LINGO2: variants seen among roughly 807,000 people sequenced by gnomAD.
The protein encoded by LINGO2 is leucine-rich repeat and immunoglobulin-like domain-containing nogo receptor-interacting protein 2.
LINGO2 carries 14 observed loss-of-function variants against 30.6 expected under a neutral mutation model. The ratio of observed to expected loss-of-function variants is 0.46; its 90% CI spans 0.30 to 0.72. The LOEUF (loss-of-function observed/expected upper bound fraction) is 0.72, where lower values mean the gene tolerates loss of function less well. Ranked by LOEUF, LINGO2 falls within the 30% of genes least tolerant of loss-of-function variation. The probability of loss-of-function intolerance (pLI) is 0.07; values close to 1 mark genes in which losing one functional copy is unlikely to be tolerated. For missense variants in LINGO2, 729 were observed against 751.7 expected (o/e 0.97, Z 0.35); for synonymous variants, 317 against 288.5 (o/e 1.10, Z -1.00).
intron 3 of LINGO2, among the ~76,000 whole-genome samples, chr9:28,363,892 C>T (rs1168029912): frequency 6.7e-6 from 1 of 150,130 alleles, no homozygotes; most frequent in Non-Finnish European, 1.5e-5. Context: ...CCTTTGTCTC[C>T]AAACAGGAGG....
At chr9:28,576,897 T>G (rs1290201900) in intron 1 of LINGO2, among the ~76,000 whole-genome samples, 2 of 152,178 alleles carry the variant, frequency 1.3e-5, no homozygotes, top group South Asian at 2.1e-4. Context: ...GTCCCATGAC[T>G]TCTTCTAATA....
At chr9:28,109,278 C>T (rs6476036) in intron 4 of LINGO2, among the ~76,000 whole-genome samples, 150,750 of 152,268 alleles carry the variant, frequency 0.99, 74,646 homozygotes, top group Middle Eastern at 1. Flanking sequence ...GTCAAACCCA[C>T]AGACAATATC....
At chr9:28,384,860 G>A (rs1821513727) in intron 2 of LINGO2, among the ~76,000 whole-genome samples, 1 of 151,744 alleles carries the variant, frequency 6.6e-6, no homozygotes, top group African/African-American at 2.4e-5. Flanking sequence ...TTCAACAACA[G>A]TTAGCCAGAT....
At position 28,506,479 on chromosome 9, in the gene LINGO2, CATACACAT is replaced by C. The variant is rs1218695830; in HGVS notation, c.-364-30462_-364-30455del. ...ACATACACATACACACACACACACA[CATACACAT>C]ACACACACACACACAGACATATATA... On this transcript the variant is annotated intron_variant, in intron 1 of 5. Transcript: ENST00000379992. Among the ~76,000 whole-genome samples the C allele has an allele frequency of 4.8e-3, 55 of 11,344 alleles. 13 individuals carry two copies. Among genetic ancestry groups the C allele is most frequent in the Non-Finnish European group, 0.013 (31 of 2,332 alleles). The allele number at this position is 11,344 out of a possible 152,430, so 7.4% of individuals were successfully genotyped here.
chr9:28,375,531 A>C (rs1212570838), intron 2 of LINGO2, among the ~76,000 whole-genome samples: 1 of 152,244 alleles, frequency 6.6e-6, no homozygotes, highest in Non-Finnish European at 1.5e-5. Flanking sequence ...CGGAGGTAGA[A>C]AGTGGGTACA....
the LINGO2 span, among the ~76,000 whole-genome samples, chr9:28,701,554 T>C: frequency 1.3e-5 from 2 of 152,062 alleles, no homozygotes; most frequent in Admixed American, 1.3e-4. Context: ...TTACTGTATA[T>C]TTAACACAAA....
chr9:28,868,239 T>C, the LINGO2 span, among the ~76,000 whole-genome samples: 15 of 152,086 alleles, frequency 9.9e-5, no homozygotes, highest in South Asian at 1.9e-3. Context: ...TAAGTCCTCA[T>C]TGATGACATT....
the LINGO2 span, among the ~76,000 whole-genome samples, chr9:28,828,870 G>A: frequency 6.6e-6 from 1 of 152,110 alleles, no homozygotes; most frequent in South Asian, 2.1e-4. Flanking sequence ...TAATTTACTT[G>A]CATCACACAG....
chr9:28,257,842 T>C (rs1171948476), intron 4 of LINGO2, among the ~76,000 whole-genome samples: 2 of 151,906 alleles, frequency 1.3e-5, no homozygotes, highest in Non-Finnish European at 2.9e-5. Context: ...AATACATCAT[T>C]TAGTGACCTT....
intron 4 of LINGO2, among the ~76,000 whole-genome samples, chr9:28,209,963 G>T (rs1346522203): frequency 6.6e-6 from 1 of 151,684 alleles, no homozygotes; most frequent in Non-Finnish European, 1.5e-5. Context: ...TAGCTTTAGG[G>T]TTACAAGTAT....
the LINGO2 span, among the ~76,000 whole-genome samples, chr9:28,887,737 T>C: frequency 6.6e-6 from 1 of 152,046 alleles, no homozygotes; most frequent in Non-Finnish European, 1.5e-5. Context: ...TCCTAGATTG[T>C]GAAAGAGAAA....
the LINGO2 span, among the ~76,000 whole-genome samples, chr9:29,040,362 T>A: frequency 6.6e-6 from 1 of 152,198 alleles, no homozygotes; most frequent in African/African-American, 2.4e-5. Context: ...AAGTTTATAA[T>A]ACCAACAGCT....
At chr9:28,875,466 T>C in the LINGO2 span, among the ~76,000 whole-genome samples, 56 of 152,094 alleles carry the variant, frequency 3.7e-4, no homozygotes, top group African/African-American at 1.3e-3. Flanking sequence ...TACTATTATC[T>C]CAAGAAATAT....
chr9:29,203,377 G>C, the LINGO2 span, among the ~76,000 whole-genome samples: 1 of 152,126 alleles, frequency 6.6e-6, no homozygotes, highest in Non-Finnish European at 1.5e-5. Context: ...TGTATCTAAG[G>C]CATGGGTAAA....
the LINGO2 span, among the ~76,000 whole-genome samples, chr9:29,189,759 C>T: frequency 1.3e-5 from 2 of 152,146 alleles, no homozygotes; most frequent in East Asian, 1.9e-4. Context: ...TCTGCAATCC[C>T]GGCACCTCGG....
chr9:28,709,779 C>T, the LINGO2 span, among the ~76,000 whole-genome samples: 2 of 151,838 alleles, frequency 1.3e-5, no homozygotes, highest in African/African-American at 2.4e-5. Context: ...TATCTAGCTA[C>T]TTACACAAAT....
At chr9:29,095,843 G>A in the LINGO2 span, among the ~76,000 whole-genome samples, 2 of 138,528 alleles carry the variant, frequency 1.4e-5, 1 homozygote, top group East Asian at 4.9e-4. Context: ...ACCTTTCTTT[G>A]GGAGAGTAGT....
intron 3 of LINGO2, among the ~76,000 whole-genome samples, chr9:28,370,914 TCAATCTAAAAATCTGTTA>T (rs1820870335): frequency 6.6e-6 from 1 of 152,200 alleles, no homozygotes; most frequent in African/African-American, 2.4e-5. Context: ...GAAGCATTTT[TCAATCTAAAAATCTGTTA>T]CTGGGCTTCC....
At chr9:28,141,085 G>C (rs1025680624) in intron 4 of LINGO2, among the ~76,000 whole-genome samples, 1 of 152,058 alleles carries the variant, frequency 6.6e-6, no homozygotes, top group Non-Finnish European at 1.5e-5. Context: ...GCAGAAAATT[G>C]CCTCAGTTAT....
Sources: gnomAD v4.1 joint callset for allele counts (sites outside exome capture counted in the v4.1 genomes callset) on GRCh38, gnomAD v4.1.1 for gene constraint, MANE v1.5 for transcripts, NCBI Gene and HGNC (gene_info 2026-07-23, HGNC 2026-07-21) for gene names.